The following ARHGAP18 variants were observed in gnomAD, a reference collection of about 807,000 sequenced individuals.
The protein encoded by ARHGAP18 is Rho GTPase activating protein 18.
ARHGAP18 carries 67 observed loss-of-function variants against 86.2 expected under a neutral mutation model. That is an observed-to-expected ratio of 0.78 (90% CI 0.64 to 0.95). The LOEUF is 0.95. Among genes scored for constraint, ARHGAP18 ranks in the 40% least tolerant of loss-of-function variants. The probability of loss-of-function intolerance (pLI) is 0.00; values close to 1 mark genes in which losing one functional copy is unlikely to be tolerated. For synonymous variants in ARHGAP18, 283 were observed against 280.4 expected (o/e 1.01, Z -0.09); for missense variants, 691 against 780.4 (o/e 0.89, Z 1.37).
chr6:129,700,382 A>C (rs181534490), intron 1 of ARHGAP18, among the ~76,000 whole-genome samples: 12 of 152,344 alleles, frequency 7.9e-5, no homozygotes, highest in Admixed American at 4.6e-4. Flanking sequence ...TGAAGCATTA[A>C]AGGTATTCAA....
chr6:129,709,840 T>G (rs1774873435), intron 1 of ARHGAP18, among the ~76,000 whole-genome samples, 184 bp downstream of exon 1: 1 of 152,244 alleles, frequency 6.6e-6, no homozygotes, highest in African/African-American at 2.4e-5. Flanking sequence ...ATGGGTTATT[T>G]CAGACTTGGA....
intron 1 of ARHGAP18, among the ~76,000 whole-genome samples, chr6:129,680,753 T>C (rs918521372): frequency 2.6e-5 from 4 of 152,218 alleles, no homozygotes; most frequent in African/African-American, 9.7e-5. Context: ...ATGCTCCTTA[T>C]AGTTGCTTTT....
At chr6:129,654,913 A>T (rs1334578146) in intron 1 of ARHGAP18, among the ~76,000 whole-genome samples, 1 of 152,236 alleles carries the variant, frequency 6.6e-6, no homozygotes, top group African/African-American at 2.4e-5. Flanking sequence ...GAACCTCAGC[A>T]GAGGTCTGAG....
Position 129,638,420 on chromosome 6 carries a change from C to CA in ARHGAP18, c.525dup (p.Ala176CysfsTer15). ...GTTTCTTTTGATTCTCTCTGTTGAG[C>CA]AAATATGTCTCTGACGTCAGGAATC... is the stretch of plus-strand genomic sequence containing the variant. On this transcript the variant is annotated frameshift_variant, in exon 3 of 15. Coordinates refer to ENST00000368149, the MANE Select transcript of ARHGAP18 (RefSeq NM_033515.3). LOFTEE classifies it high-confidence loss of function. 1.2e-6 allele frequency: 2 copies of CA among 1,614,006 alleles called. No homozygotes were observed. Among genetic ancestry groups the CA allele is most frequent in the Non-Finnish European group, 1.7e-6 (2 of 1,179,934 alleles).
At chr6:129,626,902 G>A (rs776551637) in intron 5 of ARHGAP18, among the ~76,000 whole-genome samples, 2 of 152,050 alleles carry the variant, frequency 1.3e-5, no homozygotes, top group African/African-American at 2.4e-5. Flanking sequence ...GCTCATGTAC[G>A]TCTGTCCTCT....
chr6:129,692,936 C>T (rs1371650111), intron 1 of ARHGAP18, among the ~76,000 whole-genome samples: 1 of 152,180 alleles, frequency 6.6e-6, no homozygotes, highest in African/African-American at 2.4e-5. Context: ...CACCAGCCAG[C>T]CCTCATTCAT....
Position 129,624,545 on chromosome 6 carries a change from A to T in ARHGAP18, c.786+4808T>A, listed in dbSNP as rs148901884. Among the ~76,000 whole-genome samples, 872 of 152,002 alleles carry T rather than the reference A, an allele frequency of 5.7e-3. 11 individuals are homozygous for T. Among genetic ancestry groups the T allele is most frequent in the African/African-American group, 0.02 (840 of 41,454 alleles). ...AAAACAAAAAACAAACACACACAAA[A>T]AACCATACTTTTCCTGAGGATAGTC... On this transcript the variant is annotated intron_variant, in intron 5 of 14. Transcript: ENST00000368149.
At chr6:129,707,099 G>T (rs1014361090) in intron 1 of ARHGAP18, among the ~76,000 whole-genome samples, 2 of 151,782 alleles carry the variant, frequency 1.3e-5, no homozygotes, top group African/African-American at 4.8e-5. Context: ...CAGGCGTGGT[G>T]GTGCATGCCT....
chr6:129,651,836 C>T (rs911738099), intron 1 of ARHGAP18, among the ~76,000 whole-genome samples: 3 of 152,140 alleles, frequency 2.0e-5, no homozygotes, highest in Non-Finnish European at 4.4e-5. Context: ...TACTTATTCC[C>T]CACCAAATTC....
At chr6:129,641,647 G>T (rs1050512294) in intron 2 of ARHGAP18, among the ~76,000 whole-genome samples, 169 bp downstream of exon 2, 1 of 152,122 alleles carries the variant, frequency 6.6e-6, no homozygotes, top group Non-Finnish European at 1.5e-5. Context: ...CTTGTATCTG[G>T]CAGTTGCATC....
rs867142787 is a variant in ARHGAP18, at chr6:129,624,994, T to G, written c.786+4359A>C. Among the ~76,000 whole-genome samples the G allele has an allele frequency of 3.7e-5, 4 of 109,568 alleles. 1 individual carries two copies. Among genetic ancestry groups the G allele is most frequent in the African/African-American group, 1.3e-4 (4 of 30,642 alleles). 71.9% of individuals were successfully genotyped at this position (109,568 alleles called of 152,430 possible). A position where few individuals can be genotyped will look rare whatever the true frequency, so the allele number is the denominator to read the frequency against. ...ATATTTATATATAATATATATTATA[T>G]ATGATATATATTTATATAATATATA... On this transcript the variant is annotated intron_variant, in intron 5 of 14. Transcript: ENST00000368149.
At chr6:129,600,978 C>T (rs1030430413) in intron 10 of ARHGAP18, 130 bp from the exon 11 acceptor site, 17 of 741,562 alleles carry the variant, frequency 2.3e-5, no homozygotes, top group African/African-American at 2.0e-4. Context: ...TAATCACATC[C>T]AGCAGGCCCT....
At chr6:129,656,588 G>A (rs1416039911) in intron 1 of ARHGAP18, among the ~76,000 whole-genome samples, 1 of 152,050 alleles carries the variant, frequency 6.6e-6, no homozygotes, top group Non-Finnish European at 1.5e-5. Context: ...AGGTTGCAGT[G>A]AGCCGAGATC....
At chr6:129,606,963 T>C (rs71570974) in intron 9 of ARHGAP18, among the ~76,000 whole-genome samples, 86 of 151,980 alleles carry the variant, frequency 5.7e-4, no homozygotes, top group Non-Finnish European at 2.4e-4. Context: ...CAGGTTCAAG[T>C]GATTCTCTGC....
chr6:129,592,954 A>G (rs1339337462), intron 12 of ARHGAP18, among the ~76,000 whole-genome samples: 2 of 152,188 alleles, frequency 1.3e-5, no homozygotes, highest in Non-Finnish European at 1.5e-5. Flanking sequence ...TGGGGGGCTC[A>G]TGTACTATTC....
chr6:129,618,885 T>C (rs1392458060), intron 5 of ARHGAP18, 33 bp from the exon 6 acceptor site: 3 of 1,585,754 alleles, frequency 1.9e-6, no homozygotes, highest in African/African-American at 2.7e-5. Flanking sequence ...AGTAAAAGCT[T>C]ACAGTACCTA....
chr6:129,600,509 CT>C, intron 11 of ARHGAP18, 132 bp downstream of exon 11: 1 of 686,372 alleles, frequency 1.5e-6, no homozygotes, highest in East Asian at 2.8e-5. Flanking sequence ...CAGGGCCCTC[CT>C]TACCTATATG....
intron 12 of ARHGAP18, among the ~76,000 whole-genome samples, chr6:129,588,310 G>A (rs1788441232): frequency 6.6e-6 from 1 of 152,140 alleles, no homozygotes. Context: ...TAGAGATGGG[G>A]TTTCACCATG....
intron 13 of ARHGAP18, among the ~76,000 whole-genome samples, chr6:129,580,769 G>T (rs1172225590): frequency 6.6e-6 from 1 of 152,076 alleles, no homozygotes; most frequent in Non-Finnish European, 1.5e-5. Flanking sequence ...TAGCTACTCG[G>T]GAGGCTGAGG....
Sources: allele counts gnomAD v4.1 joint callset (sites outside exome capture counted in the v4.1 genomes callset), GRCh38; gene constraint gnomAD v4.1.1; transcripts MANE v1.5; gene names NCBI Gene and HGNC (gene_info 2026-07-23, HGNC 2026-07-21).